Variants in ASCC3 observed in about 807,000 individuals in gnomAD.
ASCC3 encodes the protein ASC-1 complex subunit P200.
Under a neutral mutation model 256.3 loss-of-function variants are expected in ASCC3, and 158 were observed. The ratio of observed to expected loss-of-function variants is 0.62; its 90% CI spans 0.54 to 0.70. The LOEUF (loss-of-function observed/expected upper bound fraction) is 0.70, where lower values mean the gene tolerates loss of function less well. ASCC3 is among the 30% of genes least tolerant of loss of function. The probability of loss-of-function intolerance (pLI) is 0.00; values close to 1 mark genes in which losing one functional copy is unlikely to be tolerated. For missense variants in ASCC3, 2,259 were observed against 2,626.0 expected, an observed-to-expected ratio of 0.86 and a Z score of 3.05; for synonymous variants, 948 against 883.4, an observed-to-expected ratio of 1.07 and a Z score of -1.30.
At chr6:100,816,203 A>G (rs1770736841) in intron 4 of ASCC3, among the ~76,000 whole-genome samples, 1 of 152,150 alleles carries the variant, frequency 6.6e-6, no homozygotes, top group African/African-American at 2.4e-5. Flanking sequence ...CAAAACCACA[A>G]TGAGATACCA....
At chr6:100,709,940 A>G (rs1017249157) in intron 13 of ASCC3, among the ~76,000 whole-genome samples, 1 of 152,184 alleles carries the variant, frequency 6.6e-6, no homozygotes, top group African/African-American at 2.4e-5. Context: ...GTATTTCTAC[A>G]AAACCTGAAG....
chr6:100,573,031 A>AT (rs1399387435), intron 36 of ASCC3, among the ~76,000 whole-genome samples: 1 of 151,938 alleles, frequency 6.6e-6, no homozygotes, highest in Non-Finnish European at 1.5e-5. Context: ...TTCCATGATT[A>AT]TTTTTTCCTT....
At chr6:100,789,067 A>T (rs1769224992) in intron 8 of ASCC3, among the ~76,000 whole-genome samples, 2 of 152,060 alleles carry the variant, frequency 1.3e-5, no homozygotes, top group East Asian at 3.9e-4. Flanking sequence ...AAAACAAAAA[A>T]TAAAGCAATA....
chr6:100,764,013 G>C (rs1781532018), intron 10 of ASCC3, among the ~76,000 whole-genome samples: 1 of 152,168 alleles, frequency 6.6e-6, no homozygotes, highest in Non-Finnish European at 1.5e-5. Context: ...CTACCCAGTA[G>C]GGTTCTTGTG....
intron 36 of ASCC3, 134 bp from the exon 37 acceptor site, chr6:100,540,521 A>G (rs939203462): frequency 2.7e-6 from 2 of 733,982 alleles, no homozygotes; most frequent in Admixed American, 5.1e-5. Context: ...TTGCTTGTTC[A>G]ATATTATCAT....
chr6:100,875,417 G>A (rs937699180), intron 1 of ASCC3, among the ~76,000 whole-genome samples: 2 of 152,176 alleles, frequency 1.3e-5, no homozygotes, highest in East Asian at 1.9e-4. Flanking sequence ...TTTCCTATCA[G>A]AGGTCTGGGC....
intron 10 of ASCC3, among the ~76,000 whole-genome samples, chr6:100,729,760 T>C (rs1779813836): frequency 6.6e-6 from 1 of 152,190 alleles, no homozygotes; most frequent in African/African-American, 2.4e-5. Context: ...TCAAAAGGAA[T>C]ACACAAATTT....
intron 37 of ASCC3, among the ~76,000 whole-genome samples, chr6:100,525,478 A>G (rs573023677): frequency 6.6e-6 from 1 of 152,198 alleles, no homozygotes; most frequent in East Asian, 1.9e-4. Context: ...ATTTAAAGGG[A>G]TATCTACAAT....
intron 13 of ASCC3, among the ~76,000 whole-genome samples, chr6:100,694,881 G>C (rs1778011354): frequency 6.6e-6 from 1 of 151,990 alleles, no homozygotes; most frequent in Admixed American, 6.6e-5. Context: ...AAAATGAATG[G>C]GTAAAAGTTT....
At chr6:100,726,447 C>A (rs1582765991) in intron 10 of ASCC3, among the ~76,000 whole-genome samples, 1 of 151,988 alleles carries the variant, frequency 6.6e-6, no homozygotes, top group East Asian at 1.9e-4. Context: ...AATGTGGTAA[C>A]AAATTATAAA....
At chr6:100,677,517 A>G (rs1051430682) in intron 14 of ASCC3, among the ~76,000 whole-genome samples, 2 of 152,144 alleles carry the variant, frequency 1.3e-5, no homozygotes, top group African/African-American at 2.4e-5. Context: ...TTACTTTCTC[A>G]GTTTTCGTTT....
intron 36 of ASCC3, among the ~76,000 whole-genome samples, chr6:100,578,950 T>C (rs1238785782): frequency 6.6e-6 from 1 of 152,136 alleles, no homozygotes. Context: ...ACTAGCAGTG[T>C]ATAAATGATG....
intron 30 of ASCC3, among the ~76,000 whole-genome samples, chr6:100,623,104 T>C (rs1179760770): frequency 3.3e-5 from 5 of 152,134 alleles, no homozygotes; most frequent in African/African-American, 1.2e-4. Flanking sequence ...GAGTCATCAA[T>C]ATTTTGTATA....
At chr6:100,688,891 ATGTAG>A (rs1362172482) in intron 13 of ASCC3, among the ~76,000 whole-genome samples, 1 of 152,190 alleles carries the variant, frequency 6.6e-6, no homozygotes, top group African/African-American at 2.4e-5. Flanking sequence ...AAATACAATA[ATGTAG>A]AAATTAACTA....
At chr6:100,549,765 G>A (rs1282163837) in intron 36 of ASCC3, among the ~76,000 whole-genome samples, 1 of 151,800 alleles carries the variant, frequency 6.6e-6, no homozygotes, top group African/African-American at 2.4e-5. Flanking sequence ...TAATATTTAG[G>A]GAAACAAATT....
At chr6:100,791,957 T>G (rs539054806) in intron 8 of ASCC3, among the ~76,000 whole-genome samples, 2 of 151,892 alleles carry the variant, frequency 1.3e-5, no homozygotes, top group Admixed American at 1.3e-4. Flanking sequence ...GATAGCAGAA[T>G]AGAAAGACAT....
rs1774320409 is a variant in ASCC3 at position 100,627,874 on chromosome 6, T to C, written c.4489A>G (p.Arg1497Gly). 1 of 1,613,764 alleles carries C rather than the reference T, an allele frequency of 6.2e-7. No homozygotes were observed. Among genetic ancestry groups the C allele is most frequent in the Non-Finnish European group, 8.5e-7 (1 of 1,179,812 alleles). ...VGLSTALANARDLADWLNIKQ... is the reference protein window; with the variant it reads ...VGLSTALANAGDLADWLNIKQ... Reference sequence around the variant, plus strand: ...ATATTGAGCCAATCAGCAAGGTCTCTGGCATTAGCTAATGCAGTAGATAGT... The same window carrying C: ...ATATTGAGCCAATCAGCAAGGTCTCCGGCATTAGCTAATGCAGTAGATAGT... The change falls in exon 28 of 42, where the codon AGA becomes GGA. Residue 1497 changes from arginine (R) to glycine (G), a missense_variant. Physicochemically the swap from Arg to Gly is moderately radical, Grantham distance 125. This residue lies in a region of ASCC3 where 1,839 missense variants were observed against 2,206.7 expected (regional missense o/e 0.83). Coordinates refer to ENST00000369162, the MANE Select transcript of ASCC3 (RefSeq NM_006828.4).
Position 100,589,933 on chromosome 6 carries a change from A to G in ASCC3, c.5415+15T>C. 1 of 1,602,970 alleles carries G rather than the reference A, an allele frequency of 6.2e-7. No individual in the cohort carries two copies. The highest frequency in any genetic ancestry group is 8.5e-7 in the Non-Finnish European group (1 of 1,170,128). On this transcript the variant is annotated intron_variant, in intron 35 of 41. Coordinates refer to ENST00000369162, the MANE Select transcript of ASCC3 (RefSeq NM_006828.4). The stretch of plus-strand genomic sequence containing the variant: ...GGCAATCTTTTCAATTAGAATGCAT[A>G]TGACTAAGTCATACCTCTCCAATTT...
intron 1 of ASCC3, among the ~76,000 whole-genome samples, chr6:100,876,873 A>G (rs1774027062): frequency 6.6e-6 from 1 of 152,172 alleles, no homozygotes; most frequent in African/African-American, 2.4e-5. Flanking sequence ...ACGTACAGGT[A>G]AAAAGAAAGT....
Sources: gnomAD v4.1 joint callset for allele counts (sites outside exome capture counted in the v4.1 genomes callset) on GRCh38, gnomAD v4.1.1 for gene constraint, gnomAD v4.1.1 regional missense constraint, MANE v1.5 for transcripts, NCBI Gene and HGNC (gene_info 2026-07-23, HGNC 2026-07-21) for gene names.